ARMC8: variants seen among roughly 807,000 people sequenced by gnomAD.
ARMC8 encodes the protein armadillo repeat-containing protein 8.
A neutral mutation model predicts 99.3 loss-of-function variants in ARMC8; 20 were observed. The observed-to-expected ratio is 0.20, with a 90% CI of 0.14 to 0.29. The LOEUF (loss-of-function observed/expected upper bound fraction) is 0.29, where lower values mean the gene tolerates loss of function less well. ARMC8 is among the 10% of genes least tolerant of loss of function. The probability of loss-of-function intolerance (pLI) is 1.00; values close to 1 mark genes in which losing one functional copy is unlikely to be tolerated. For missense variants in ARMC8, 569 were observed against 809.5 expected (o/e 0.70, Z 3.60); for synonymous variants, 263 against 278.3 (o/e 0.95, Z 0.55).
intron 1 of ARMC8, among the ~76,000 whole-genome samples, chr3:138,202,084 C>T (rs1415285172): frequency 6.6e-6 from 1 of 152,092 alleles, no homozygotes; most frequent in Non-Finnish European, 1.5e-5. Flanking sequence ...TTCAAACTTC[C>T]TATTTTTGTG....
chr3:138,286,136 T>C (rs2050387327), intron 19 of ARMC8, among the ~76,000 whole-genome samples: 1 of 152,018 alleles, frequency 6.6e-6, no homozygotes. Flanking sequence ...AGAGATGGGG[T>C]TTCACCATGT....
chr3:138,224,834 C>T (rs1275170034), intron 5 of ARMC8, among the ~76,000 whole-genome samples: 1 of 152,222 alleles, frequency 6.6e-6, no homozygotes, highest in Non-Finnish European at 1.5e-5. Context: ...CAGATGCTCT[C>T]AGCTTTGTAA....
At chr3:138,291,527 C>A (rs915090977) in intron 21 of ARMC8, among the ~76,000 whole-genome samples, 1 of 152,212 alleles carries the variant, frequency 6.6e-6, no homozygotes, top group East Asian at 1.9e-4. Flanking sequence ...TTGATGAAGT[C>A]TTTGCCCTCG....
Position 138,264,520 on chromosome 3 carries a change from A to T in ARMC8, c.1299+308A>T, listed in dbSNP as rs6785463. On this transcript the variant is annotated intron_variant, in intron 14 of 21. Coordinates refer to ENST00000469044, the MANE Select transcript of ARMC8 (RefSeq NM_001363941.2). The stretch of plus-strand genomic sequence containing the variant: ...CTGCAACCTCCACCTCCCCGGTTCA[A>T]GCGATTCTTCTGCCTCAGCCTCTCT... Among the ~76,000 whole-genome samples, 1,013 of 145,714 alleles carry T rather than the reference A, an allele frequency of 7.0e-3. 9 individuals are homozygous for T. Among genetic ancestry groups the T allele is most frequent in the African/African-American group, 0.025 (970 of 39,270 alleles).
chr3:138,287,298 C>G (rs1006172966), intron 19 of ARMC8, among the ~76,000 whole-genome samples: 1 of 152,178 alleles, frequency 6.6e-6, no homozygotes, highest in Admixed American at 6.5e-5. Context: ...TTACTTCAGA[C>G]CTTTTCAGGA....
intron 1 of ARMC8, among the ~76,000 whole-genome samples, chr3:138,207,716 T>G (rs2044453939): frequency 6.6e-6 from 1 of 152,246 alleles, no homozygotes; most frequent in African/African-American, 2.4e-5. Flanking sequence ...GATATGTTCG[T>G]ACAGTTATTT....
chr3:138,238,748 A>G (rs1208334485), intron 9 of ARMC8: 1 of 152,230 alleles, frequency 6.6e-6, no homozygotes, highest in Admixed American at 6.5e-5. Flanking sequence ...TTACCTGTTT[A>G]TAACTTTCGG....
intron 19 of ARMC8, among the ~76,000 whole-genome samples, chr3:138,286,089 G>A (rs114002169): frequency 0.014 from 2,074 of 152,076 alleles, 49 homozygotes; most frequent in African/African-American, 0.048. Flanking sequence ...GATTACAGGC[G>A]CGGCACTATT....
At position 138,228,962 on chromosome 3, in the gene ARMC8, C is replaced by A; in HGVS notation, c.480C>A (p.Ser160=). ...ACCTCATGGCACTGCTTAGCAGGTC[C>A]CGCTATACCCAGGAGTACATCTGTC... ...IPHLMALLSR[S]RYTQEYICQI... is the part of the protein sequence containing the mutation. Residue 160 remains serine (S), a synonymous_variant, in exon 6 of 22, where the codon TCC becomes TCA. Transcript: ENST00000469044. The A allele has an allele frequency of 6.2e-7, 1 of 1,609,830 alleles. No individual in the cohort carries two copies. Among genetic ancestry groups the A allele is most frequent in the Non-Finnish European group, 8.5e-7 (1 of 1,177,736 alleles).
chr3:138,271,798 C>CTTTCTTTTTTTTTTTTTTTTTTTTTT (rs1018824241), intron 16 of ARMC8, among the ~76,000 whole-genome samples: 1 of 136,134 alleles, frequency 7.3e-6, no homozygotes, highest in African/African-American at 2.8e-5. Context: ...TTTTTTCTTT[C>CTTTCTTTTTTTTTTTTTTTTTTTTTT]TTTTTTTTTT....
At chr3:138,242,582 T>G (rs1446780845) in intron 11 of ARMC8, among the ~76,000 whole-genome samples, 1 of 152,232 alleles carries the variant, frequency 6.6e-6, no homozygotes, top group African/African-American at 2.4e-5. Context: ...CTCAGCCTGT[T>G]TGCCCTATCC....
rs2047987077 is a variant in ARMC8, at chr3:138,263,760, A to G, written c.1156A>G (p.Met386Val). 1 of 1,613,986 alleles carries G rather than the reference A, an allele frequency of 6.2e-7. No individual in the cohort carries two copies. The change falls in exon 13 of 22, where the codon ATG becomes GTG. Residue 386 changes from methionine to valine, a missense_variant. Physicochemically the swap from Met to Val is conservative, Grantham distance 21. Coordinates refer to ENST00000469044, the MANE Select transcript of ARMC8 (RefSeq NM_001363941.2). Reference protein sequence around the residue: ...RKKIIETENMMDRIVTGLSES... With the variant: ...RKKIIETENMVDRIVTGLSES... ...CCAGATCATTGAGACTGAAAATATG[A>G]TGGACCGAATTGTGACTGGCTTGTC...
At position 138,204,478 on chromosome 3, in the gene ARMC8, T is replaced by C. The variant is rs181546184; in HGVS notation, c.46-5339T>C. ...TGAGTCTACTTCTCCCTCTAGCTAC[T>C]ATATTTCTTTACTCCCCTTTACAGT... On this transcript the variant is annotated intron_variant, in intron 1 of 21. Coordinates refer to ENST00000469044, the MANE Select transcript of ARMC8 (RefSeq NM_001363941.2). 8.0e-3 allele frequency among the ~76,000 whole-genome samples: 1,215 copies of C among 152,296 alleles called. 11 individuals are homozygous for C. Among genetic ancestry groups the C allele is most frequent in the Non-Finnish European group, 9.6e-3 (655 of 68,024 alleles).
At chr3:138,231,458 G>A (rs1559961355) in intron 6 of ARMC8, among the ~76,000 whole-genome samples, 1 of 152,008 alleles carries the variant, frequency 6.6e-6, no homozygotes, top group Non-Finnish European at 1.5e-5. Context: ...GCTCACTAAA[G>A]CATTTGTGTT....
chr3:138,298,051 T>TGAA lies in ARMC8; in HGVS notation c.*2161_*2163dup, dbSNP rs1303601024. On this transcript the variant is annotated 3_prime_UTR_variant, in exon 22 of 22. Transcript: ENST00000469044. ...CTATAATTAACTTTTCTGATTTGAA[T>TGAA]GAAGGGAAATGTATTTATTGAAACA... 2 of 152,234 alleles carry TGAA rather than the reference T, an allele frequency of 1.3e-5. No individual in the cohort carries two copies. Among genetic ancestry groups the TGAA allele is most frequent in the African/African-American group, 2.4e-5 (1 of 41,460 alleles). The allele number at this position is 152,234 out of a possible 1,614,324, so 9.4% of individuals were successfully genotyped here.
intron 2 of ARMC8, among the ~76,000 whole-genome samples, chr3:138,216,736 C>T (rs929609720): frequency 1.9e-4 from 29 of 152,234 alleles, no homozygotes; most frequent in Admixed American, 1.4e-3. Flanking sequence ...GTAGATCAAA[C>T]TTTATACTCA....
At chr3:138,246,998 C>A (rs1387062390) in intron 12 of ARMC8, 1 of 395,766 alleles carries the variant, frequency 2.5e-6, no homozygotes, top group Non-Finnish European at 3.4e-6. Context: ...GAATAATTTA[C>A]AGTTCATAGT....
At chr3:138,290,469 C>A in intron 20 of ARMC8, 77 bp from the exon 21 acceptor site, 2 of 1,076,052 alleles carry the variant, frequency 1.9e-6, no homozygotes, top group Non-Finnish European at 2.8e-6. Flanking sequence ...ACTGGTAAGG[C>A]TCTAGATTGT....
chr3:138,282,875 A>G (rs1426373924), intron 18 of ARMC8, among the ~76,000 whole-genome samples: 1 of 152,162 alleles, frequency 6.6e-6, no homozygotes, highest in African/African-American at 2.4e-5. Context: ...GACTAACCAA[A>G]AAGAGTGCAG....
Sources: gnomAD v4.1 joint callset for allele counts (sites outside exome capture counted in the v4.1 genomes callset) on GRCh38, gnomAD v4.1.1 for gene constraint, MANE v1.5 for transcripts, NCBI Gene and HGNC (gene_info 2026-07-23, HGNC 2026-07-21) for gene names.